The following MRAP2 variants were observed in gnomAD, a reference collection of about 807,000 sequenced individuals.
MRAP2 encodes melanocortin-2 receptor accessory protein 2.
A neutral mutation model predicts 17.4 loss-of-function variants in MRAP2; 20 were observed. That is an observed-to-expected ratio of 1.15 (90% CI 0.81 to 1.67). The LOEUF (loss-of-function observed/expected upper bound fraction) is 1.67, where lower values mean the gene tolerates loss of function less well. MRAP2 is among the 40% of genes most tolerant of loss of function. MRAP2 has a pLI of 0.00. For missense variants in MRAP2, 238 were observed against 240.0 expected (o/e 0.99, Z 0.05); for synonymous variants, 96 against 88.4 (o/e 1.09, Z -0.48).
the MRAP2 span, among the ~76,000 whole-genome samples, chr6:84,145,181 A>T: frequency 1.3e-5 from 2 of 152,102 alleles, no homozygotes; most frequent in Non-Finnish European, 2.9e-5. Context: ...ACTTCCTGGC[A>T]AGCCCAGGAG....
the MRAP2 span, among the ~76,000 whole-genome samples, chr6:84,117,642 GGTGT>G: frequency 1.4e-5 from 2 of 140,892 alleles, no homozygotes; most frequent in Non-Finnish European, 3.0e-5. Context: ...TTGGATGTGG[GGTGT>G]GTGTCTGTGT....
At chr6:84,108,852 A>G in the MRAP2 span, among the ~76,000 whole-genome samples, 1 of 152,146 alleles carries the variant, frequency 6.6e-6, no homozygotes, top group Non-Finnish European at 1.5e-5. Flanking sequence ...CATTTTATAT[A>G]TGGTGTAAGG....
downstream of MRAP2, among the ~76,000 whole-genome samples, chr6:84,094,381 A>G (rs2099502306): frequency 6.6e-6 from 1 of 152,182 alleles, no homozygotes; most frequent in South Asian, 2.1e-4. Context: ...CTCTTCACTT[A>G]AAGTTCTTCC....
intron 3 of MRAP2, among the ~76,000 whole-genome samples, chr6:84,087,659 C>T (rs2099500837): frequency 6.6e-6 from 1 of 152,196 alleles, no homozygotes; most frequent in Admixed American, 6.5e-5. Context: ...CATAAATCTT[C>T]AGTCTCTCTA....
At chr6:84,126,546 T>C in the MRAP2 span, 1 of 1,414,792 alleles carries the variant, frequency 7.1e-7, no homozygotes, top group Non-Finnish European at 9.5e-7. Context: ...TGAAAAACTA[T>C]AATCACAAGA....
chr6:84,037,384 C>A (rs2099486380), intron 1 of MRAP2, among the ~76,000 whole-genome samples: 1 of 152,244 alleles, frequency 6.6e-6, no homozygotes, highest in Non-Finnish European at 1.5e-5. Flanking sequence ...TCTCCAAGTC[C>A]CCACCTGATT....
intron 1 of MRAP2, among the ~76,000 whole-genome samples, chr6:84,046,219 A>T (rs79981564): frequency 0.016 from 2,373 of 152,236 alleles, 61 homozygotes; most frequent in African/African-American, 0.054. Flanking sequence ...TTGTTTTTTT[A>T]AAATTTTCTT....
At chr6:84,068,784 CTT>C (rs34220070) in intron 3 of MRAP2, among the ~76,000 whole-genome samples, 6,302 of 54,600 alleles carry the variant, frequency 0.12, 46 homozygotes, top group Non-Finnish European at 0.14. Context: ...TTGCTGAATT[CTT>C]TTTTTTTTTT....
At chr6:84,067,546 T>G (rs2099495062) in intron 3 of MRAP2, among the ~76,000 whole-genome samples, 1 of 152,042 alleles carries the variant, frequency 6.6e-6, no homozygotes, top group Non-Finnish European at 1.5e-5. Context: ...TAACATCTAC[T>G]GTTTTTTGAT....
At chr6:84,093,751 C>T (rs1261420385), downstream of MRAP2, among the ~76,000 whole-genome samples, 1 of 152,186 alleles carries the variant, frequency 6.6e-6, no homozygotes, top group East Asian at 1.9e-4. Context: ...AATCTCCACC[C>T]CTGGTAGTGA....
intron 1 of MRAP2, among the ~76,000 whole-genome samples, chr6:84,052,118 CAAA>C (rs1038312423): frequency 3.3e-5 from 5 of 152,028 alleles, no homozygotes; most frequent in Non-Finnish European, 2.9e-5. Flanking sequence ...TGTTTCCTGT[CAAA>C]GAAGTTATTT....
the MRAP2 span, among the ~76,000 whole-genome samples, chr6:84,132,777 G>A: frequency 2.8e-4 from 43 of 152,170 alleles, no homozygotes; most frequent in East Asian, 7.4e-3. Flanking sequence ...GCTCCTTTGC[G>A]ATGGTTTCAA....
At chr6:84,044,786 T>C (rs1185106921) in intron 1 of MRAP2, among the ~76,000 whole-genome samples, 1 of 152,252 alleles carries the variant, frequency 6.6e-6, no homozygotes, top group Non-Finnish European at 1.5e-5. Flanking sequence ...CATATGGATG[T>C]TGGGTGTGGG....
the MRAP2 span, among the ~76,000 whole-genome samples, chr6:84,110,565 C>T: frequency 6.6e-6 from 1 of 152,150 alleles, no homozygotes; most frequent in Non-Finnish European, 1.5e-5. Context: ...TGCCTGTTCA[C>T]TCTGATGATA....
chr6:84,070,805 C>T (rs1030943012), intron 3 of MRAP2, among the ~76,000 whole-genome samples: 2 of 152,144 alleles, frequency 1.3e-5, no homozygotes, highest in African/African-American at 4.8e-5. Context: ...AAGGCCTTTA[C>T]CATTACATAA....
chr6:84,102,427 G>A, the MRAP2 span, among the ~76,000 whole-genome samples: 1 of 152,182 alleles, frequency 6.6e-6, no homozygotes. Flanking sequence ...GGCTCAGAGA[G>A]ATGCAAAGTT....
At chr6:84,119,795 T>C in the MRAP2 span, among the ~76,000 whole-genome samples, 6 of 152,170 alleles carry the variant, frequency 3.9e-5, no homozygotes, top group Non-Finnish European at 7.3e-5. Context: ...CCCTGTACTG[T>C]TGGAAATAAG....
the MRAP2 span, among the ~76,000 whole-genome samples, chr6:84,114,614 C>T: frequency 1.3e-5 from 2 of 152,062 alleles, no homozygotes; most frequent in African/African-American, 4.8e-5. Context: ...AGTTTTGTTC[C>T]CTTGCTGGTG....
the MRAP2 span, among the ~76,000 whole-genome samples, chr6:84,138,422 T>C: frequency 6.6e-6 from 1 of 152,162 alleles, no homozygotes; most frequent in Non-Finnish European, 1.5e-5. Flanking sequence ...ATAGTTCATA[T>C]TTCCACCACC....
Sources: allele counts gnomAD v4.1 joint callset (sites outside exome capture counted in the v4.1 genomes callset), GRCh38; gene constraint gnomAD v4.1.1; transcripts MANE v1.5; gene names NCBI Gene and HGNC (gene_info 2026-07-23, HGNC 2026-07-21).